The following IGDCC4 variants were observed in gnomAD, a reference collection of about 807,000 sequenced individuals.
IGDCC4 encodes likely ortholog of mouse neighbor of Punc E11.
A neutral mutation model predicts 116.6 loss-of-function variants in IGDCC4; 72 were observed. The observed-to-expected ratio is 0.62, with a 90% CI of 0.51 to 0.75. The LOEUF (loss-of-function observed/expected upper bound fraction) is 0.75, where lower values mean the gene tolerates loss of function less well. Ranked by LOEUF, IGDCC4 falls within the 30% of genes least tolerant of loss-of-function variation. IGDCC4 has a pLI of 0.00. For missense variants in IGDCC4, 1,501 were observed against 1,662.4 expected (o/e 0.90, Z 1.69); for synonymous variants, 709 against 719.9 (o/e 0.98, Z 0.24).
At chr15:65,389,101 A>C in intron 14 of IGDCC4, 123 bp from the exon 15 acceptor site, 8 of 1,087,148 alleles carry the variant, frequency 7.4e-6, no homozygotes, top group Non-Finnish European at 9.0e-6. Flanking sequence ...TCTGGTTTCT[A>C]GTTGGGGAAT....
intron 1 of IGDCC4, among the ~76,000 whole-genome samples, chr15:65,414,112 C>T (rs1458028198): frequency 1.3e-5 from 2 of 152,184 alleles, no homozygotes; most frequent in Admixed American, 1.3e-4. Context: ...ATTTAGAAGC[C>T]CTGTGAGTCT....
At position 65,388,838 on chromosome 15, in the gene IGDCC4, C is replaced by G; in HGVS notation, c.2677G>C (p.Glu893Gln). The change falls in exon 15 of 20, where the codon GAG (glutamate) becomes CAG (glutamine). Residue 893 changes from glutamate (E) to glutamine (Q), a missense_variant. Glu to Gln is a conservative substitution (Grantham distance 29). This residue lies in a region of IGDCC4 where 235 missense variants were observed against 328.0 expected (regional missense o/e 0.72). Coordinates refer to ENST00000352385, the MANE Select transcript of IGDCC4 (RefSeq NM_020962.3). ...ILYSSNHTQP[E>Q]HQWTLLTTQG... ...GTGGTGAGCAAGGTCCACTGGTGCT[C>G]AGGCTGCGTGTGGTTGCTGCTGTAC... 1 of 1,614,106 alleles carries G rather than the reference C, an allele frequency of 6.2e-7. No individual in the cohort carries two copies.
At chr15:65,417,190 C>T (rs972029209) in intron 1 of IGDCC4, among the ~76,000 whole-genome samples, 1 of 152,164 alleles carries the variant, frequency 6.6e-6, no homozygotes. Flanking sequence ...AAGTCGGTTC[C>T]TTCCAGAAAC....
chr15:65,406,126 C>A (rs551343394), intron 3 of IGDCC4, among the ~76,000 whole-genome samples: 15 of 152,254 alleles, frequency 9.9e-5, no homozygotes, highest in Non-Finnish European at 2.2e-4. Flanking sequence ...GAGTGAATGG[C>A]GATAACAAAA....
chr15:65,386,167 GA>G (rs1402724121), intron 17 of IGDCC4, 108 bp from the exon 18 acceptor site: 1 of 720,972 alleles, frequency 1.4e-6, no homozygotes, highest in Admixed American at 3.0e-5. Context: ...CCATCTCTGG[GA>G]TTTGCTTTCC....
chr15:65,400,874 C>G lies in IGDCC4; in HGVS notation c.773G>C (p.Gly258Ala). The change falls in exon 5 of 20, where the codon GGC becomes GCC. Residue 258 changes from glycine to alanine, a missense_variant. Physicochemically the swap from Gly to Ala is moderately conservative, Grantham distance 60 (BLOSUM62 0). This residue lies in a region of IGDCC4 where 898 missense variants were observed against 978.9 expected (regional missense o/e 0.92). Transcript: ENST00000352385. ...AAPENTTVVS[G>A]QSVVMECVAS... is the part of the protein sequence containing the mutation. Reference sequence around the variant, plus strand: ...CACACATTCCATCACCACACTCTGGCCAGACACCACTGTGGTGTTCTCTGG... The same window carrying G: ...CACACATTCCATCACCACACTCTGGGCAGACACCACTGTGGTGTTCTCTGG... 1 of 1,614,062 alleles carries G rather than the reference C, an allele frequency of 6.2e-7. No individual in the cohort carries two copies.
chr15:65,399,190 A>T (rs542778413), intron 5 of IGDCC4, among the ~76,000 whole-genome samples: 2 of 151,890 alleles, frequency 1.3e-5, no homozygotes, highest in African/African-American at 4.8e-5. Flanking sequence ...CAGTTGGAGC[A>T]CCGGGCGCAG....
chr15:65,389,147 C>A, intron 14 of IGDCC4, 137 bp downstream of exon 14: 1 of 1,272,506 alleles, frequency 7.9e-7, no homozygotes, highest in Admixed American at 2.7e-5. Flanking sequence ...AGGGACTTAA[C>A]ATTCCTCCCC....
Position 65,395,904 on chromosome 15 carries a change from C to A in IGDCC4, c.1257G>T (p.Ser419=). The change falls in exon 7 of 20, where the codon TCG becomes TCT. Residue 419 remains serine, a synonymous_variant. Coordinates refer to ENST00000352385, the MANE Select transcript of IGDCC4 (RefSeq NM_020962.3). The stretch of plus-strand genomic sequence containing the variant: ...GCCCCTCGCGCACCACCACGGCCAG[C>A]GACGCGGCAGCGCACGCCATTCCCG... ...NSAGMACAAA[S]LAVVVREGLP... 6.3e-7 allele frequency: 1 copy of A among 1,589,468 alleles called. No individual in the cohort carries two copies. The highest frequency in any genetic ancestry group is 8.5e-7 in the Non-Finnish European group (1 of 1,174,862).
At chr15:65,408,155 T>A (rs575054503) in intron 3 of IGDCC4, among the ~76,000 whole-genome samples, 35 of 152,244 alleles carry the variant, frequency 2.3e-4, no homozygotes, top group African/African-American at 6.5e-4. Flanking sequence ...ATACCTACAT[T>A]AAAGGATGAT....
In IGDCC4 at chr15:65,392,234, G is replaced by A. The variant is rs778939343; in HGVS notation, c.2022C>T (p.Ala674=). Residue 674 remains alanine (A), a synonymous_variant, in exon 11 of 20, where the codon GCC becomes GCT. Coordinates refer to ENST00000352385, the MANE Select transcript of IGDCC4 (RefSeq NM_020962.3). ...GGCCCCCTGGCAGGCGATCGCCATT[G>A]GCCTCCTCCTCAGCCCCCACCTCCC... ...YWREVGAEEE[A]NGDRLPGGRG... is the part of the protein sequence containing the mutation. 8.1e-6 allele frequency: 13 copies of A among 1,613,690 alleles called. No homozygotes were observed. In the African/African-American group the frequency reaches 1.2e-4, roughly 15 times the overall value.
intron 3 of IGDCC4, 99 bp from the exon 4 acceptor site, chr15:65,402,586 A>T: frequency 7.1e-7 from 1 of 1,406,288 alleles, no homozygotes; most frequent in East Asian, 2.5e-5. Context: ...CTAAGATACC[A>T]GGCTGGGCGC....
chr15:65,401,077 G>T (rs1198757454), intron 4 of IGDCC4, 131 bp from the exon 5 acceptor site: 1 of 1,148,976 alleles, frequency 8.7e-7, no homozygotes, highest in Non-Finnish European at 1.2e-6. Context: ...GTCAGATGGG[G>T]GACGTAGCCA....
intron 5 of IGDCC4, 48 bp downstream of exon 5, chr15:65,400,758 C>CA: frequency 1.9e-6 from 3 of 1,550,140 alleles, no homozygotes; most frequent in Non-Finnish European, 1.7e-6. Context: ...TGTGAGATGC[C>CA]ACATCCCTCC....
In IGDCC4 at chr15:65,402,444, G is replaced by A; in HGVS notation, c.607C>T (p.Gln203Ter). The change falls in exon 4 of 20, where the codon CAG becomes TAG. Residue 203 changes from glutamine (Q) to a stop codon, truncating the protein, a stop_gained. Transcript: ENST00000352385. LOFTEE classifies it high-confidence loss of function. ...CGGTAGGGGCCTGCATCACTCTCCT[G>A]AACATCCAGGATCTGAAGGACGCCG... ...PNGVLQILDV[Q>*]ESDAGPYRCV... The A allele has an allele frequency of 6.4e-7, 1 of 1,566,590 alleles. No homozygotes were observed. The highest frequency in any genetic ancestry group is 8.7e-7 in the Non-Finnish European group (1 of 1,154,850).
At chr15:65,422,762 C>A (rs1036164312) in intron 1 of IGDCC4, 31 bp downstream of exon 1, 17 of 1,332,018 alleles carry the variant, frequency 1.3e-5, no homozygotes, top group South Asian at 1.8e-5. Flanking sequence ...ACTCCGCAGT[C>A]GCTCCTGCCT....
At chr15:65,410,847 A>G in intron 2 of IGDCC4, 173 bp downstream of exon 2, 1 of 601,734 alleles carries the variant, frequency 1.7e-6, no homozygotes, top group Non-Finnish European at 2.9e-6. Context: ...GGAATACCCA[A>G]GAATGAGGAT....
At position 65,393,176 on chromosome 15, in the gene IGDCC4, C is replaced by A; in HGVS notation, c.1885+185G>T. On this transcript the variant is annotated intron_variant, in intron 10 of 19. Coordinates refer to ENST00000352385, the MANE Select transcript of IGDCC4 (RefSeq NM_020962.3). The surrounding 1 kb of genome is among the most constrained non-coding windows in gnomAD (Gnocchi z 4.6). ...GTTTGTCCAAGGTCACACAGCAAAT[C>A]GAAGGGACACCAGATCCCAGCCCTT... Among the ~76,000 whole-genome samples, 1 of 152,140 alleles carries A rather than the reference C, an allele frequency of 6.6e-6. No individual in the cohort carries two copies. Among genetic ancestry groups the A allele is most frequent in the Admixed American group, 6.5e-5 (1 of 15,278 alleles).
In IGDCC4 at chr15:65,384,181, G is replaced by A; in HGVS notation, c.3581C>T (p.Pro1194Leu). 1 of 1,612,886 alleles carries A rather than the reference G, an allele frequency of 6.2e-7. No homozygotes were observed. The highest frequency in any genetic ancestry group is 1.1e-5 in the South Asian group (1 of 91,006). ...LGGCELAAPGPDRLTCLPEAA... is the reference protein window; with the variant it reads ...LGGCELAAPGLDRLTCLPEAA... ...CTCTGGCAAGCAGGTAAGTCTGTCT[G>A]GCCCGGGGGCTGCCAGCTCACACCC... The change falls in exon 20 of 20, where the codon CCA becomes CTA. Residue 1194 changes from proline to leucine, a missense_variant. Physicochemically the swap from Pro to Leu is moderately conservative, Grantham distance 98. Transcript: ENST00000352385. This position sits in a 1 kb window ranked among gnomAD's most constrained non-coding sequence, Gnocchi z 4.9.
Sources: allele counts gnomAD v4.1 joint callset (sites outside exome capture counted in the v4.1 genomes callset), GRCh38; gene constraint gnomAD v4.1.1; regional missense constraint gnomAD v4.1.1; non-coding constraint Gnocchi (gnomAD v3.1); transcripts MANE v1.5; gene names NCBI Gene and HGNC (gene_info 2026-07-23, HGNC 2026-07-21).